PRKCA: variants seen among roughly 807,000 people sequenced by gnomAD.
The protein encoded by PRKCA is protein kinase C alpha.
In PRKCA, 27 loss-of-function variants were observed where a neutral mutation model predicts 87.0. The observed-to-expected ratio is 0.31, with a 90% CI of 0.23 to 0.43. PRKCA has a LOEUF of 0.43. Ranked by LOEUF, PRKCA falls within the 20% of genes least tolerant of loss-of-function variation. PRKCA has a pLI of 1.00. For synonymous variants in PRKCA, 329 were observed against 311.1 expected, an observed-to-expected ratio of 1.06 and a Z score of -0.61; for missense variants, 518 against 852.3, an observed-to-expected ratio of 0.61 and a Z score of 4.88.
intron 16 of PRKCA, among the ~76,000 whole-genome samples, chr17:66,799,673 G>GTGGTGGTAA (rs1345158818): frequency 7.0e-6 from 1 of 143,166 alleles, no homozygotes; most frequent in Non-Finnish European, 1.5e-5. Context: ...GGTGGTGGTG[G>GTGGTGGTAA]TGGTGGTAAT....
intron 2 of PRKCA, among the ~76,000 whole-genome samples, chr17:66,417,164 T>A (rs1347590783): frequency 6.6e-6 from 1 of 152,086 alleles, no homozygotes; most frequent in Non-Finnish European, 1.5e-5. Flanking sequence ...CCTCCCAAAG[T>A]GCTGGAATTA....
At chr17:66,480,393 C>T (rs1237925050) in intron 2 of PRKCA, among the ~76,000 whole-genome samples, 1 of 152,112 alleles carries the variant, frequency 6.6e-6, no homozygotes, top group Non-Finnish European at 1.5e-5. Flanking sequence ...TGTATTATGG[C>T]TTCTTTTTGA....
At chr17:66,350,065 C>T (rs77772553) in intron 2 of PRKCA, among the ~76,000 whole-genome samples, 2,064 of 152,182 alleles carry the variant, frequency 0.014, 47 homozygotes, top group African/African-American at 0.047. Flanking sequence ...AACTAAAGCT[C>T]GGGCTAGTGT....
In PRKCA at chr17:66,736,775, C is replaced by T. The variant is rs146395206; in HGVS notation, c.1230+1113C>T. On this transcript the variant is annotated intron_variant, in intron 10 of 16. Coordinates refer to ENST00000413366, the MANE Select transcript of PRKCA (RefSeq NM_002737.3). ...ATCCAAAGAGTCATATATCGTGACA[C>T]GTGAAAATTAGGTCAAATTTTAAAT... Among the ~76,000 whole-genome samples the T allele has an allele frequency of 1.9e-4, 29 of 152,234 alleles. No individual in the cohort carries two copies. In the East Asian group the frequency reaches 3.1e-3, roughly 16 times the overall value.
chr17:66,723,642 A>G (rs72848657), intron 8 of PRKCA, among the ~76,000 whole-genome samples: 8 of 151,520 alleles, frequency 5.3e-5, no homozygotes, highest in Admixed American at 2.6e-4. Context: ...AACAAAAAAA[A>G]AAAAAGGAAG....
intron 3 of PRKCA, among the ~76,000 whole-genome samples, chr17:66,546,142 A>G (rs1034591270): frequency 4.6e-5 from 7 of 152,158 alleles, no homozygotes; most frequent in Middle Eastern, 3.2e-3. Flanking sequence ...TCTTTACACC[A>G]TTTATATGTA....
At chr17:66,684,684 G>T (rs1372723092) in intron 5 of PRKCA, among the ~76,000 whole-genome samples, 1 of 152,090 alleles carries the variant, frequency 6.6e-6, no homozygotes, top group African/African-American at 2.4e-5. Flanking sequence ...TTTTTTGTGT[G>T]TGTTGTCTGT....
chr17:66,663,328 C>T (rs1371539058), intron 5 of PRKCA, among the ~76,000 whole-genome samples: 1 of 152,220 alleles, frequency 6.6e-6, no homozygotes, highest in African/African-American at 2.4e-5. Context: ...ATATTTTTGT[C>T]TTTGTTTGCC....
At chr17:66,521,067 CT>C (rs1281718010) in intron 3 of PRKCA, among the ~76,000 whole-genome samples, 3 of 152,032 alleles carry the variant, frequency 2.0e-5, no homozygotes, top group Admixed American at 2.0e-4. Context: ...CTCTGGGCAT[CT>C]GTCCACTCAG....
Position 66,766,310 on chromosome 17 carries a change from C to G in PRKCA, c.1525-7677C>G, listed in dbSNP as rs555180423. Among the ~76,000 whole-genome samples, 287 of 152,184 alleles carry G rather than the reference C, an allele frequency of 1.9e-3. 1 individual carries two copies. The highest frequency in any genetic ancestry group is 6.2e-3 in the African/African-American group (257 of 41,522). On this transcript the variant is annotated intron_variant, in intron 13 of 16. Transcript: ENST00000413366. Reference sequence around the variant, plus strand: ...AGCAAAACCAATCAGGTGGCCATGGCCTTTAGGATTCATGAATCCTTCTGA... The same window carrying G: ...AGCAAAACCAATCAGGTGGCCATGGGCTTTAGGATTCATGAATCCTTCTGA...
chr17:66,743,233 A>C (rs1974196661), intron 13 of PRKCA, among the ~76,000 whole-genome samples: 1 of 152,224 alleles, frequency 6.6e-6, no homozygotes, highest in African/African-American at 2.4e-5. Context: ...AGGCTGAGGC[A>C]GGAGAATCTC....
At chr17:66,501,476 T>TTA (rs745901969) in intron 3 of PRKCA, among the ~76,000 whole-genome samples, 5 of 152,198 alleles carry the variant, frequency 3.3e-5, no homozygotes, top group Non-Finnish European at 5.9e-5. Flanking sequence ...AGCAGAAGAC[T>TTA]TAAGAGAACC....
intron 16 of PRKCA, among the ~76,000 whole-genome samples, chr17:66,794,473 A>G (rs1020055962): frequency 6.7e-6 from 1 of 149,180 alleles, no homozygotes; most frequent in East Asian, 2.0e-4. Flanking sequence ...TTTTAATTTT[A>G]TTTTGAAATA....
At chr17:66,712,334 C>T (rs1973352132) in intron 8 of PRKCA, among the ~76,000 whole-genome samples, 1 of 152,206 alleles carries the variant, frequency 6.6e-6, no homozygotes, top group African/African-American at 2.4e-5. Context: ...ACCCAAACCT[C>T]TCCCACTTGT....
chr17:66,690,770 G>C (rs1376913440), intron 8 of PRKCA, among the ~76,000 whole-genome samples: 2 of 146,774 alleles, frequency 1.4e-5, no homozygotes, highest in Non-Finnish European at 3.0e-5. Context: ...GGAAGTTGCA[G>C]TGAGCCGAGT....
At position 66,701,270 on chromosome 17, in the gene PRKCA, C is replaced by T. The variant is rs1161781061; in HGVS notation, c.918+12223C>T. Among the ~76,000 whole-genome samples, 4 of 152,154 alleles carry T rather than the reference C, an allele frequency of 2.6e-5. 1 individual carries two copies. Among genetic ancestry groups the T allele is most frequent in the South Asian group, 4.2e-4 (2 of 4,810 alleles). The stretch of plus-strand genomic sequence containing the variant: ...ACCAAAAAATGAAATTGGATAGATG[C>T]ATTTCGTAGCATATACAAATGTCAA... On this transcript the variant is annotated intron_variant, in intron 8 of 16. Coordinates refer to ENST00000413366, the MANE Select transcript of PRKCA (RefSeq NM_002737.3).
At chr17:66,506,095 A>T (rs1415860307) in intron 3 of PRKCA, among the ~76,000 whole-genome samples, 1 of 152,176 alleles carries the variant, frequency 6.6e-6, no homozygotes. Flanking sequence ...CAGGGGTTTG[A>T]GACCAGCCTG....
chr17:66,312,770 T>G (rs577039425), intron 2 of PRKCA, among the ~76,000 whole-genome samples: 283 of 127,650 alleles, frequency 2.2e-3, no homozygotes, highest in Admixed American at 4.4e-3. Flanking sequence ...AGAGTGTCAC[T>G]CTGTCACCCA....
In PRKCA at chr17:66,532,155, T is replaced by TA. The variant is rs11304403; in HGVS notation, c.288+35886dup. On this transcript the variant is annotated intron_variant, in intron 3 of 16. Transcript: ENST00000413366. ...CCAAGTGACTCACTTCTGGTAAAAT[T>TA]AAAAAAAAAAAAAAGAACAACCTTG... is the stretch of plus-strand genomic sequence containing the variant. Among the ~76,000 whole-genome samples, 1,396 of 144,562 alleles carry TA rather than the reference T, an allele frequency of 9.7e-3. 13 individuals are homozygous for TA. The highest frequency in any genetic ancestry group is 0.014 in the Non-Finnish European group (948 of 65,666). 94.8% of individuals were successfully genotyped at this position (144,562 alleles called of 152,430 possible).
Sources: gnomAD v4.1 joint callset for allele counts (sites outside exome capture counted in the v4.1 genomes callset) on GRCh38, gnomAD v4.1.1 for gene constraint, MANE v1.5 for transcripts, NCBI Gene and HGNC (gene_info 2026-07-23, HGNC 2026-07-21) for gene names.